The following TTLL3 variants were observed in gnomAD, a reference collection of about 807,000 sequenced individuals.
TTLL3 encodes tubulin tyrosine ligase like 3.
TTLL3 carries 63 observed loss-of-function variants against 75.2 expected under a neutral mutation model. The ratio of observed to expected loss-of-function variants is 0.84; its 90% CI spans 0.68 to 1.03. TTLL3 has a LOEUF of 1.03. Among genes scored for constraint, TTLL3 ranks in the 50% least tolerant of loss-of-function variants. The pLI is 0.00. For synonymous variants in TTLL3, 393 were observed against 418.5 expected, an observed-to-expected ratio of 0.94 and a Z score of 0.74; for missense variants, 997 against 1,069.9, an observed-to-expected ratio of 0.93 and a Z score of 0.95.
intron 12 of TTLL3, chr3:9,834,434 A>C: frequency 1.5e-6 from 1 of 686,642 alleles, no homozygotes; most frequent in South Asian, 1.5e-5. Context: ...CAGCCGAGGT[A>C]TCAGGAAGTT....
intron 11 of TTLL3, among the ~76,000 whole-genome samples, chr3:9,830,323 G>A (rs770468943): frequency 3.3e-5 from 5 of 152,006 alleles, no homozygotes; most frequent in Admixed American, 2.6e-4. Context: ...TATTTCACTC[G>A]TCTTGCTCCA....
At chr3:9,814,444 A>G (rs1279362851) in intron 4 of TTLL3, among the ~76,000 whole-genome samples, 1 of 151,950 alleles carries the variant, frequency 6.6e-6, no homozygotes, top group Non-Finnish European at 1.5e-5. Flanking sequence ...TCAGGAGTTC[A>G]AGACCAACCG....
chr3:9,820,718 C>T lies in TTLL3; in HGVS notation c.831C>T (p.Leu277=). Residue 277 remains leucine (L), a synonymous_variant, in exon 8 of 14, where the codon CTC becomes CTT. Transcript: ENST00000685419. ...YLTPEGWSLF[L]QRYYQVVHEG... The stretch of plus-strand genomic sequence containing the variant: ...CCCCCGAGGGCTGGTCCCTCTTCCT[C>T]CAGCGCTACTACCAAGTGGTCCAGT... 6.2e-7 allele frequency: 1 copy of T among 1,614,140 alleles called. No homozygotes were observed. The highest frequency in any genetic ancestry group is 8.5e-7 in the Non-Finnish European group (1 of 1,180,028).
At chr3:9,818,062 G>C (rs1342813881) in intron 6 of TTLL3, 6 of 241,562 alleles carry the variant, frequency 2.5e-5, no homozygotes, top group Non-Finnish European at 4.8e-5. Flanking sequence ...CTTATATCAA[G>C]TTCCATTTGT....
chr3:9,822,421 C>T (rs554080125), intron 8 of TTLL3, among the ~76,000 whole-genome samples: 3 of 152,046 alleles, frequency 2.0e-5, no homozygotes, highest in African/African-American at 7.2e-5. Context: ...GCTATAAGAA[C>T]CTCTCTAAAG....
upstream of TTLL3, chr3:9,810,211 G>A: frequency 2.0e-6 from 3 of 1,489,144 alleles, no homozygotes; most frequent in Non-Finnish European, 2.7e-6. The surrounding 1 kb of genome is among the most constrained non-coding windows in gnomAD (Gnocchi z 4.4). Context: ...GGCCGGCCCT[G>A]CCTCCGCCCA....
At chr3:9,815,824 C>T (rs1346869462) in intron 4 of TTLL3, among the ~76,000 whole-genome samples, 1 of 152,242 alleles carries the variant, frequency 6.6e-6, no homozygotes, top group Non-Finnish European at 1.5e-5. Context: ...CAAAGGGAGG[C>T]AGAAGAGAGT....
chr3:9,826,082 GCTT>G, intron 9 of TTLL3, 134 bp downstream of exon 9: 1 of 1,408,942 alleles, frequency 7.1e-7, no homozygotes, highest in East Asian at 2.5e-5. Context: ...CTACTAATGT[GCTT>G]CGTGACCTTG....
At position 9,825,955 on chromosome 3, in the gene TTLL3, G is replaced by T; in HGVS notation, c.1003+7G>T. 1 of 1,611,738 alleles carries T rather than the reference G, an allele frequency of 6.2e-7. No individual in the cohort carries two copies. Among genetic ancestry groups the T allele is most frequent in the South Asian group, 1.1e-5 (1 of 91,008 alleles). On this transcript the variant is annotated splice_region_variant and intron_variant, in intron 9 of 13. Transcript: ENST00000685419. ...GCCAAGTCCCGCGGACGAGGTGGGG[G>T]TCAGCTCCTGCTTCCTGCACTGGCA...
At chr3:9,819,994 C>T (rs1030106938) in intron 7 of TTLL3, 2 of 988,026 alleles carry the variant, frequency 2.0e-6, no homozygotes, top group Non-Finnish European at 1.2e-6. Flanking sequence ...TGTAGATGTG[C>T]ACGGGGTCTT....
At chr3:9,812,286 C>T (rs902970300) in intron 2 of TTLL3, among the ~76,000 whole-genome samples, 1 of 151,874 alleles carries the variant, frequency 6.6e-6, no homozygotes, top group African/African-American at 2.4e-5. Flanking sequence ...GAGGCCAAGG[C>T]GGGCCTTGGC....
At chr3:9,830,086 G>A (rs1285304009) in intron 11 of TTLL3, among the ~76,000 whole-genome samples, 1 of 152,096 alleles carries the variant, frequency 6.6e-6, no homozygotes, top group Non-Finnish European at 1.5e-5. Flanking sequence ...CAGGTGATCC[G>A]CCCACCTCGG....
Position 9,823,442 on chromosome 3 carries a change from A to G in TTLL3, c.855-2358A>G, listed in dbSNP as rs963332212. ...TTTTTTTAAATCCTGGATTTTAAGA[A>G]CTAAGCCAGCCAGGTTTTCATCAGG... On this transcript the variant is annotated intron_variant, in intron 8 of 13. Coordinates refer to ENST00000685419, the MANE Select transcript of TTLL3 (RefSeq NM_001387446.1). Among the ~76,000 whole-genome samples the G allele has an allele frequency of 6.4e-4, 96 of 150,408 alleles. 3 individuals carry two copies. The highest frequency in any genetic ancestry group is 3.0e-5 in the Non-Finnish European group (2 of 67,744).
In TTLL3 at chr3:9,834,722, C is replaced by G. The variant is rs1559230132; in HGVS notation, c.1867C>G (p.Pro623Ala). ...FPSLHTKAQLPSPHVLRHQGQ... is the reference protein window; with the variant it reads ...FPSLHTKAQLASPHVLRHQGQ... ...CAGCCTCCACACCAAGGCCCAGCTG[C>G]CTTCTCCCCATGTACTCCGACACCA... The change falls in exon 13 of 14, where the codon CCT becomes GCT. Residue 623 changes from proline (P) to alanine (A), a missense_variant. Physicochemically the swap from Pro to Ala is conservative, Grantham distance 27. Transcript: ENST00000685419. 1 of 1,614,234 alleles carries G rather than the reference C, an allele frequency of 6.2e-7. No individual in the cohort carries two copies.
rs371263434 is a variant in TTLL3, at chr3:9,834,917, G to A, written c.2052+10G>A. On this transcript the variant is annotated intron_variant, in intron 13 of 13. Transcript: ENST00000685419. Reference sequence around the variant, plus strand: ...CCTGAAGCCAAGAAAGGTGGGCCTCGACCTGTGACTCACACCCAGTGGACA... The same window carrying A: ...CCTGAAGCCAAGAAAGGTGGGCCTCAACCTGTGACTCACACCCAGTGGACA... 107 of 1,614,128 alleles carry A rather than the reference G, an allele frequency of 6.6e-5. No homozygotes were observed. In the East Asian group the frequency reaches 1.1e-3, roughly 16 times the overall value.
rs1194641293 is a variant in TTLL3, at chr3:9,810,444, G to A, written c.-42+50G>A. On this transcript the variant is annotated intron_variant, in intron 1 of 13. Transcript: ENST00000685419. The surrounding 1 kb of genome is among the most constrained non-coding windows in gnomAD (Gnocchi z 4.4). The stretch of plus-strand genomic sequence containing the variant: ...TCTGGCCTACAGCGGCTGCGAGGAC[G>A]ACAAGACGCTGGGGTGGAGGGACTG... The A allele has an allele frequency of 8.4e-6, 12 of 1,428,592 alleles. No homozygotes were observed. Among genetic ancestry groups the A allele is most frequent in the African/African-American group, 2.9e-5 (2 of 68,614 alleles). The allele number at this position is 1,428,592 out of a possible 1,614,324, so 88.5% of individuals were successfully genotyped here. A position where few individuals can be genotyped will look rare whatever the true frequency, so the allele number is the denominator to read the frequency against.
In TTLL3 at chr3:9,820,240, G is replaced by A. The variant is rs186335540; in HGVS notation, c.659-306G>A. 10 of 1,143,846 alleles carry A rather than the reference G, an allele frequency of 8.7e-6. No homozygotes were observed. The African/African-American group carries it at 1.6e-4, about 18-fold the overall frequency. The allele number at this position is 1,143,846 out of a possible 1,614,324, so 70.9% of individuals were successfully genotyped here. A position where few individuals can be genotyped will look rare whatever the true frequency, so the allele number is the denominator to read the frequency against. On this transcript the variant is annotated intron_variant, in intron 7 of 13. Transcript: ENST00000685419. ...GACTCCCAGGTGCATTTTAGGCAGA[G>A]CCTCAGGTGTGTTAGAGGTCCCAGG... is the stretch of plus-strand genomic sequence containing the variant.
At position 9,813,055 on chromosome 3, in the gene TTLL3, C is replaced by T; in HGVS notation, c.161C>T (p.Pro54Leu). Residue 54 changes from proline (P) to leucine (L), a missense_variant, in exon 3 of 14, where the codon CCA (proline) becomes CTA (leucine). Pro to Leu is a moderately conservative substitution (Grantham distance 98, BLOSUM62 -3). Coordinates refer to ENST00000685419, the MANE Select transcript of TTLL3 (RefSeq NM_001387446.1). ...CATCGCTCAGGCCCCACCCTGCTGCCACCCCAGAAGGATCTGGATAGCTCA... is the reference window on the plus strand; with the variant it reads ...CATCGCTCAGGCCCCACCCTGCTGCTACCCCAGAAGGATCTGGATAGCTCA... ...MVHRSGPTLL[P>L]PQKDLDSSAM... The T allele has an allele frequency of 6.3e-7, 1 of 1,587,976 alleles. No homozygotes were observed. The highest frequency in any genetic ancestry group is 1.1e-5 in the South Asian group (1 of 88,174).
chr3:9,812,087 T>C (rs1278311476), intron 2 of TTLL3, among the ~76,000 whole-genome samples: 4 of 152,202 alleles, frequency 2.6e-5, no homozygotes, highest in Non-Finnish European at 5.9e-5. Flanking sequence ...AAATGCATAG[T>C]ATTGGCCAGA....
Sources: gnomAD v4.1 joint callset for allele counts (sites outside exome capture counted in the v4.1 genomes callset) on GRCh38, gnomAD v4.1.1 for gene constraint, Gnocchi (gnomAD v3.1) non-coding constraint, MANE v1.5 for transcripts, NCBI Gene and HGNC (gene_info 2026-07-23, HGNC 2026-07-21) for gene names.